NAMPT: variants seen among roughly 807,000 people sequenced by gnomAD.
The protein encoded by NAMPT is NAmPRTase.
A neutral mutation model predicts 58.7 loss-of-function variants in NAMPT; 7 were observed. That is an observed-to-expected ratio of 0.12 (90% CI 0.07 to 0.22). The LOEUF (loss-of-function observed/expected upper bound fraction) is 0.22. Among genes scored for constraint, NAMPT ranks in the 10% least tolerant of loss-of-function variants. NAMPT has a pLI of 1.00. For synonymous variants in NAMPT, 145 were observed against 198.1 expected (o/e 0.73, Z 2.25); for missense variants, 271 against 567.9 (o/e 0.48, Z 5.31).
intron 6 of NAMPT, among the ~76,000 whole-genome samples, chr7:106,264,208 G>T (rs570735829): frequency 6.6e-6 from 1 of 152,034 alleles, no homozygotes; most frequent in East Asian, 1.9e-4. Context: ...CATGTATTTT[G>T]TTTGCAGATT....
In NAMPT at chr7:106,248,977, T is replaced by C. The variant is rs529878244; in HGVS notation, c.*2106A>G. 2.0e-5 allele frequency: 3 copies of C among 152,200 alleles called. No individual in the cohort carries two copies. In the East Asian group the frequency reaches 5.8e-4, roughly 29 times the overall value. The allele number at this position is 152,200 out of a possible 1,614,324, so 9.4% of individuals were successfully genotyped here. On this transcript the variant is annotated 3_prime_UTR_variant, in exon 11 of 11. Coordinates refer to ENST00000222553, the MANE Select transcript of NAMPT (RefSeq NM_005746.3). ...TTCACTGCAAATTTCTAAATTAAAC[T>C]CTATTCTGAAGCTGCTGAAATTCAC...
At chr7:106,253,285 C>T in intron 9 of NAMPT, 134 bp from the exon 10 acceptor site, 1 of 834,372 alleles carries the variant, frequency 1.2e-6, no homozygotes, top group Non-Finnish European at 1.8e-6. Context: ...CTGAACCAAT[C>T]CACATCTGGC....
chr7:106,277,008 T>A lies in NAMPT; in HGVS notation c.214+15A>T, dbSNP rs776683604. The A allele has an allele frequency of 6.4e-7, 1 of 1,553,046 alleles. No homozygotes were observed. Among genetic ancestry groups the A allele is most frequent in the Admixed American group, 1.7e-5 (1 of 59,838 alleles). Reference sequence around the variant, plus strand: ...GTAATAAGCAGTGTTTAAAATATACTAGGAAAAGTAATACCTTTTAAGTAC... The same window carrying A: ...GTAATAAGCAGTGTTTAAAATATACAAGGAAAAGTAATACCTTTTAAGTAC... On this transcript the variant is annotated intron_variant, in intron 2 of 10. Coordinates refer to ENST00000222553, the MANE Select transcript of NAMPT (RefSeq NM_005746.3).
chr7:106,280,730 G>A (rs530243263), intron 1 of NAMPT, among the ~76,000 whole-genome samples: 1 of 152,008 alleles, frequency 6.6e-6, no homozygotes, highest in African/African-American at 2.4e-5. Flanking sequence ...TCACGAGGTC[G>A]GGAGATGGAG....
intron 8 of NAMPT, among the ~76,000 whole-genome samples, chr7:106,258,794 G>A (rs1792253313): frequency 6.6e-6 from 1 of 152,180 alleles, no homozygotes; most frequent in Non-Finnish European, 1.5e-5. Context: ...TCATCTTTTT[G>A]TTGGTGGAGG....
At chr7:106,265,838 T>A (rs1381637639) in intron 6 of NAMPT, among the ~76,000 whole-genome samples, 2 of 152,194 alleles carry the variant, frequency 1.3e-5, no homozygotes, top group African/African-American at 4.8e-5. Flanking sequence ...CAAATTAAAT[T>A]TGATACCTTT....
chr7:106,266,110 G>A (rs1156802741), intron 6 of NAMPT, among the ~76,000 whole-genome samples: 4 of 152,112 alleles, frequency 2.6e-5, no homozygotes, highest in East Asian at 1.9e-4. Flanking sequence ...TATGTCAGCC[G>A]GAAGGTCACC....
intron 1 of NAMPT, among the ~76,000 whole-genome samples, chr7:106,280,054 A>G (rs946540606): frequency 1.3e-5 from 2 of 152,170 alleles, no homozygotes; most frequent in African/African-American, 4.8e-5. Flanking sequence ...ATTTTATACC[A>G]AGTGCAATGG....
At chr7:106,256,110 C>A (rs1379657388) in intron 8 of NAMPT, among the ~76,000 whole-genome samples, 2 of 152,190 alleles carry the variant, frequency 1.3e-5, no homozygotes, top group African/African-American at 4.8e-5. Context: ...CTTCCTCTTG[C>A]CAACTCTGAT....
At chr7:106,252,651 T>C (rs570495838) in intron 10 of NAMPT, among the ~76,000 whole-genome samples, 3 of 152,246 alleles carry the variant, frequency 2.0e-5, no homozygotes, top group Middle Eastern at 3.4e-3. Context: ...GTTTGGTTGA[T>C]TTGAATCAGA....
At chr7:106,263,313 T>C (rs1014725542) in intron 7 of NAMPT, 79 bp downstream of exon 7, 4 of 998,096 alleles carry the variant, frequency 4.0e-6, no homozygotes, top group Non-Finnish European at 6.2e-6. Flanking sequence ...TGAAATTGTG[T>C]GTATATAAAT....
chr7:106,274,525 C>T (rs983994200), intron 3 of NAMPT, among the ~76,000 whole-genome samples: 3 of 151,914 alleles, frequency 2.0e-5, no homozygotes, highest in African/African-American at 2.4e-5. Flanking sequence ...ATTCAGATCA[C>T]AAACAAAAAA....
At chr7:106,259,768 G>T (rs998054358) in intron 8 of NAMPT, among the ~76,000 whole-genome samples, 4 of 152,064 alleles carry the variant, frequency 2.6e-5, no homozygotes, top group African/African-American at 9.7e-5. Flanking sequence ...CTCTTTGATG[G>T]ATAGGCTGTC....
chr7:106,283,469 ATTTAG>A (rs1338112830), intron 1 of NAMPT, among the ~76,000 whole-genome samples: 1 of 152,196 alleles, frequency 6.6e-6, no homozygotes, highest in Admixed American at 6.5e-5. Context: ...GTTATTTTAG[ATTTAG>A]TTAAGAAAAA....
At chr7:106,266,635 C>T (rs1792416850) in intron 6 of NAMPT, among the ~76,000 whole-genome samples, 1 of 152,182 alleles carries the variant, frequency 6.6e-6, no homozygotes, top group Non-Finnish European at 1.5e-5. Context: ...CAAGCCATTG[C>T]TCATGTTTAC....
intron 6 of NAMPT, among the ~76,000 whole-genome samples, chr7:106,266,960 T>G: frequency 6.6e-6 from 1 of 152,164 alleles, no homozygotes; most frequent in East Asian, 1.9e-4. Context: ...CAGTCTCCCC[T>G]ACGCTCCCTA....
chr7:106,251,648 T>C (rs1009182623), intron 10 of NAMPT, among the ~76,000 whole-genome samples: 4 of 152,060 alleles, frequency 2.6e-5, no homozygotes, highest in African/African-American at 9.7e-5. Flanking sequence ...AATTTGCTAG[T>C]GCTAAATTTG....
At chr7:106,285,133 G>A (rs1228133001), upstream of NAMPT, 5 of 1,297,958 alleles carry the variant, frequency 3.9e-6, no homozygotes, top group African/African-American at 6.2e-5. Context: ...TCCCCACCTC[G>A]GTTCCCCCGC....
upstream of NAMPT, chr7:106,285,319 T>A: frequency 2.0e-6 from 1 of 504,278 alleles, no homozygotes; most frequent in Non-Finnish European, 2.6e-6. Context: ...GGCGCTTACC[T>A]AAGTTCGAGT....
Sources: allele counts gnomAD v4.1 joint callset (sites outside exome capture counted in the v4.1 genomes callset), GRCh38; gene constraint gnomAD v4.1.1; transcripts MANE v1.5; gene names NCBI Gene and HGNC (gene_info 2026-07-23, HGNC 2026-07-21).